The following ATP2B2 variants were observed in gnomAD, a reference collection of about 807,000 sequenced individuals.
ATP2B2 encodes plasma membrane calcium-transporting ATPase 2.
A neutral mutation model predicts 120.0 loss-of-function variants in ATP2B2; 15 were observed. The ratio of observed to expected loss-of-function variants is 0.12; its 90% confidence interval spans 0.08 to 0.19. ATP2B2 has a LOEUF of 0.19. Among genes scored for constraint, ATP2B2 ranks in the 10% least tolerant of loss-of-function variants. ATP2B2 has a pLI of 1.00. For synonymous variants in ATP2B2, 694 were observed against 700.3 expected (o/e 0.99, Z 0.14); for missense variants, 1,045 against 1,719.8 (o/e 0.61, Z 6.94).
At chr3:10,543,740 AT>A (rs144604142) in intron 2 of ATP2B2, among the ~76,000 whole-genome samples, 412 of 141,440 alleles carry the variant, frequency 2.9e-3, no homozygotes, top group East Asian at 9.0e-3. Flanking sequence ...GTTCTTCATA[AT>A]TTTTTTTTTT....
At chr3:10,553,295 C>A (rs926610160) in intron 2 of ATP2B2, among the ~76,000 whole-genome samples, 10 of 152,208 alleles carry the variant, frequency 6.6e-5, no homozygotes, top group African/African-American at 7.2e-5. Context: ...AAGCAGGGAC[C>A]ACGTCTGGTT....
At chr3:10,417,071 G>GGGGGGC (rs2062814472) in intron 2 of ATP2B2, among the ~76,000 whole-genome samples, 1 of 130,100 alleles carries the variant, frequency 7.7e-6, no homozygotes, top group African/African-American at 3.6e-5. Context: ...GACGGCGGCG[G>GGGGGGC]GGGGGGGCGG....
chr3:10,449,503 T>C lies in ATP2B2; in HGVS notation c.41A>G (p.Gln14Arg). 6.2e-7 allele frequency: 1 copy of C among 1,614,262 alleles called. No homozygotes were observed. The highest frequency in any genetic ancestry group is 8.5e-7 in the Non-Finnish European group (1 of 1,180,052). Reference protein sequence around the residue: ...MTNSDFYSKNQRNESSHGGEF... With the variant: ...MTNSDFYSKNRRNESSHGGEF... ...GCCCCCATGGCTCGACTCATTTCTTTGGTTTTTGGAGTAAAAGTCGCTGTT... is the reference window on the plus strand; with the variant it reads ...GCCCCCATGGCTCGACTCATTTCTTCGGTTTTTGGAGTAAAAGTCGCTGTT... The change falls in exon 2 of 23, where the codon CAA (glutamine) becomes CGA (arginine). Residue 14 changes from glutamine (Q) to arginine (R), a missense_variant. This residue lies in a region of ATP2B2 where 139 missense variants were observed against 134.2 expected (regional missense o/e 1.04). Coordinates refer to ENST00000360273, the MANE Select transcript of ATP2B2 (RefSeq NM_001001331.4).
intron 2 of ATP2B2, among the ~76,000 whole-genome samples, chr3:10,573,505 G>A (rs990920545): frequency 6.6e-6 from 1 of 152,206 alleles, no homozygotes; most frequent in African/African-American, 2.4e-5. Flanking sequence ...CCTGAAACAA[G>A]AGGGTCTCAA....
intron 1 of ATP2B2, among the ~76,000 whole-genome samples, chr3:10,676,237 GT>G (rs1559516287): frequency 2.0e-5 from 3 of 152,164 alleles, no homozygotes; most frequent in African/African-American, 4.8e-5. Flanking sequence ...CTGGAACTTG[GT>G]TTGGACCTCA....
chr3:10,425,128 T>TAA (rs1446905720), intron 2 of ATP2B2, among the ~76,000 whole-genome samples: 2 of 78,834 alleles, frequency 2.5e-5, no homozygotes, highest in East Asian at 4.1e-4. Context: ...CCGTCTCTAC[T>TAA]AAAATATATA....
intron 2 of ATP2B2, among the ~76,000 whole-genome samples, chr3:10,550,992 G>C (rs1472060459): frequency 6.6e-6 from 1 of 152,176 alleles, no homozygotes; most frequent in African/African-American, 2.4e-5. Flanking sequence ...ACTTGGATCA[G>C]GCAAGTTTGA....
chr3:10,611,803 T>C (rs7640023), intron 2 of ATP2B2, among the ~76,000 whole-genome samples: 135,373 of 152,196 alleles, frequency 0.89, 60,241 homozygotes, highest in Middle Eastern at 0.96. Context: ...AGTGACTCCA[T>C]CTCTCTAAGC....
chr3:10,352,843 A>G (rs1210301788), intron 14 of ATP2B2, among the ~76,000 whole-genome samples: 1 of 152,200 alleles, frequency 6.6e-6, no homozygotes, highest in Non-Finnish European at 1.5e-5. Flanking sequence ...GTTTCCTGGG[A>G]ACGCACACCT....
intron 1 of ATP2B2, among the ~76,000 whole-genome samples, chr3:10,627,406 CTG>C (rs1441632465): frequency 1.3e-5 from 2 of 152,174 alleles, no homozygotes; most frequent in Non-Finnish European, 2.9e-5. Flanking sequence ...ATATATAAAA[CTG>C]TAATATGGAG....
At chr3:10,385,728 G>A (rs1260319364) in intron 7 of ATP2B2, among the ~76,000 whole-genome samples, 2 of 152,236 alleles carry the variant, frequency 1.3e-5, no homozygotes, top group African/African-American at 2.4e-5. Context: ...AGGCAGTGCA[G>A]CGTGGGCACG....
chr3:10,574,359 T>A (rs557900357), intron 2 of ATP2B2, among the ~76,000 whole-genome samples: 1 of 152,318 alleles, frequency 6.6e-6, no homozygotes, highest in Non-Finnish European at 1.5e-5. Context: ...ACAGCAGTGG[T>A]GATGGCTGTT....
chr3:10,433,859 A>G (rs1205843386), intron 2 of ATP2B2, among the ~76,000 whole-genome samples: 2 of 152,208 alleles, frequency 1.3e-5, no homozygotes, highest in Non-Finnish European at 2.9e-5. Flanking sequence ...CAAAGCACTT[A>G]TCCACTCGAT....
At chr3:10,656,473 G>A (rs1348770154) in intron 1 of ATP2B2, among the ~76,000 whole-genome samples, 1 of 152,148 alleles carries the variant, frequency 6.6e-6, no homozygotes, top group Non-Finnish European at 1.5e-5. Context: ...CTCAGAGGAC[G>A]ATGTCCAAAT....
intron 6 of ATP2B2, chr3:10,387,883 C>A: frequency 6.3e-6 from 2 of 315,178 alleles, no homozygotes; most frequent in Non-Finnish European, 1.2e-5. Flanking sequence ...CATTTCTGCT[C>A]AGTGGAGTTG....
intron 22 of ATP2B2, among the ~76,000 whole-genome samples, chr3:10,332,732 G>GC: frequency 6.6e-6 from 1 of 152,120 alleles, no homozygotes; most frequent in Non-Finnish European, 1.5e-5. Context: ...GAGGGACTCC[G>GC]GAGTCTGACC....
At chr3:10,498,238 T>A (rs2066234301) in intron 1 of ATP2B2, among the ~76,000 whole-genome samples, 1 of 152,208 alleles carries the variant, frequency 6.6e-6, no homozygotes, top group Non-Finnish European at 1.5e-5. Context: ...ATTAAGGACA[T>A]GCAGCTGGTC....
At chr3:10,599,772 T>C in intron 2 of ATP2B2, among the ~76,000 whole-genome samples, 1 of 128,126 alleles carries the variant, frequency 7.8e-6, no homozygotes, top group Non-Finnish European at 1.6e-5. Flanking sequence ...TAAAGCCCTG[T>C]GCTCATGGAA....
intron 2 of ATP2B2, among the ~76,000 whole-genome samples, chr3:10,411,479 C>T (rs1458678303): frequency 6.6e-6 from 1 of 152,238 alleles, no homozygotes; most frequent in Non-Finnish European, 1.5e-5. Context: ...TCCTTCCGCT[C>T]TCCCTCCTGT....
Sources: allele counts gnomAD v4.1 joint callset (sites outside exome capture counted in the v4.1 genomes callset), GRCh38; gene constraint gnomAD v4.1.1; regional missense constraint gnomAD v4.1.1; transcripts MANE v1.5; gene names NCBI Gene and HGNC (gene_info 2026-07-23, HGNC 2026-07-21).